The following SRGAP2 variants were observed in gnomAD, a reference collection of about 807,000 sequenced individuals.
The protein encoded by SRGAP2 is SLIT-ROBO Rho GTPase activating protein 2, also known as SLIT-ROBO Rho GTPase-activating protein 2.
SRGAP2 carries 15 observed loss-of-function variants against 57.2 expected under a neutral mutation model. The ratio of observed to expected loss-of-function variants is 0.26; its 90% CI spans 0.18 to 0.40. The LOEUF is 0.40. SRGAP2 is among the 10% of genes least tolerant of loss of function. The pLI is 1.00. For missense variants in SRGAP2, 520 were observed against 669.6 expected (o/e 0.78, Z 2.47); for synonymous variants, 249 against 248.0 (o/e 1.00, Z -0.04).
intron 2 of SRGAP2, among the ~76,000 whole-genome samples, chr1:206,276,466 G>A (rs1417409738): frequency 7.2e-6 from 1 of 138,128 alleles, no homozygotes; most frequent in Non-Finnish European, 1.6e-5. Flanking sequence ...TGTGTGGGGT[G>A]GGGGGTGGGG....
intron 16 of SRGAP2, 92 bp from the exon 17 acceptor site, chr1:206,439,884 G>A (rs981992085): frequency 6.8e-5 from 48 of 708,400 alleles, no homozygotes; most frequent in African/African-American, 2.1e-4. Flanking sequence ...GATGCTGTCC[G>A]TGTTGCCCCT....
chr1:206,276,988 G>C (rs1477027799), intron 2 of SRGAP2, among the ~76,000 whole-genome samples: 20 of 150,964 alleles, frequency 1.3e-4, no homozygotes, highest in Non-Finnish European at 3.0e-4. Context: ...TTTTGAGACG[G>C]AGTTTTGCTC....
intron 2 of SRGAP2, among the ~76,000 whole-genome samples, chr1:206,270,521 A>G (rs1447392403): frequency 1.4e-5 from 2 of 142,590 alleles, no homozygotes; most frequent in Non-Finnish European, 3.0e-5. Flanking sequence ...TTCTGTAGAT[A>G]CACCCACATC....
intron 10 of SRGAP2, among the ~76,000 whole-genome samples, chr1:206,414,774 T>C (rs1184694161): frequency 2.0e-5 from 3 of 152,256 alleles, no homozygotes; most frequent in Non-Finnish European, 4.4e-5. Flanking sequence ...TAATCTTATC[T>C]GTAATAAGGA....
chr1:206,408,663 T>TA (rs1658912622), intron 10 of SRGAP2, among the ~76,000 whole-genome samples: 1 of 151,014 alleles, frequency 6.6e-6, no homozygotes. Context: ...ATTTTGGACC[T>TA]AAAAATCTTG....
chr1:206,458,345 G>T, intron 21 of SRGAP2: 1 of 616,170 alleles, frequency 1.6e-6, no homozygotes, highest in Non-Finnish European at 3.1e-6. Context: ...AGAAACCTTC[G>T]CTTAATCAGA....
At chr1:206,269,117 C>T (rs1251310758) in intron 2 of SRGAP2, among the ~76,000 whole-genome samples, 5 of 150,116 alleles carry the variant, frequency 3.3e-5, no homozygotes, top group South Asian at 2.1e-4. Flanking sequence ...GTGGTGTATT[C>T]GTACAGTGGA....
intron 4 of SRGAP2, among the ~76,000 whole-genome samples, chr1:206,360,065 C>A (rs1411130886): frequency 1.3e-5 from 2 of 152,086 alleles, no homozygotes; most frequent in East Asian, 3.9e-4. Context: ...CTCGGCCTCC[C>A]AAAGTGCTGG....
At chr1:206,402,075 G>C in intron 8 of SRGAP2, among the ~76,000 whole-genome samples, 1 of 151,736 alleles carries the variant, frequency 6.6e-6, no homozygotes, top group Non-Finnish European at 1.5e-5. Context: ...AGCTGAGGTG[G>C]GGCCACATCC....
At chr1:206,224,314 T>C (rs1553305158) in intron 2 of SRGAP2, among the ~76,000 whole-genome samples, 1 of 151,358 alleles carries the variant, frequency 6.6e-6, no homozygotes, top group East Asian at 1.9e-4. Flanking sequence ...AAATAATGAG[T>C]ATGTAGTTTC....
At chr1:206,225,321 C>G (rs1667213071) in intron 2 of SRGAP2, among the ~76,000 whole-genome samples, 1 of 149,936 alleles carries the variant, frequency 6.7e-6, no homozygotes, top group Admixed American at 6.6e-5. Flanking sequence ...TTTGACCACA[C>G]TGTAATCAAG....
At chr1:206,256,325 C>CT (rs1290753831) in intron 2 of SRGAP2, among the ~76,000 whole-genome samples, 1 of 152,130 alleles carries the variant, frequency 6.6e-6, no homozygotes, top group Non-Finnish European at 1.5e-5. Flanking sequence ...AGTCTGTATT[C>CT]CCTAGAAAGA....
In SRGAP2 at chr1:206,384,016, TA is replaced by T; in HGVS notation, c.429del (p.Glu144LysfsTer10). 9.3e-7 allele frequency: 1 copy of T among 1,071,842 alleles called. No homozygotes were observed. Among genetic ancestry groups the T allele is most frequent in the Non-Finnish European group, 1.4e-6 (1 of 724,062 alleles). The allele number at this position is 1,071,842 out of a possible 1,614,324, so 66.4% of individuals were successfully genotyped here. On this transcript the variant is annotated frameshift_variant, in exon 5 of 23. Coordinates refer to ENST00000573034, the MANE Select transcript of SRGAP2 (RefSeq NM_015326.5). LOFTEE classifies it high-confidence loss of function. ...EDSGRLFKKS[K>X]EVGQQLQDDL... ...CCTTCATTCCTCTTTCCTTGCAGAG[TA>T]AAGAAGTCGGCCAGCAGCTCCAAGA...
chr1:206,453,528 A>T (rs1311519576), intron 20 of SRGAP2, 148 bp downstream of exon 20: 3 of 381,662 alleles, frequency 7.9e-6, no homozygotes, highest in African/African-American at 2.4e-5. Flanking sequence ...CTTGAAGAGC[A>T]CCCCCCCCAC....
chr1:206,275,579 T>C (rs1366563332), intron 2 of SRGAP2, among the ~76,000 whole-genome samples: 6 of 127,224 alleles, frequency 4.7e-5, no homozygotes, highest in African/African-American at 1.9e-4. Flanking sequence ...CTTCCAGGGG[T>C]CTTCTCATTG....
chr1:206,458,556 C>A, intron 21 of SRGAP2, 67 bp from the exon 22 acceptor site: 1 of 674,058 alleles, frequency 1.5e-6, no homozygotes, highest in South Asian at 1.7e-5. Flanking sequence ...TGCCCCCTCC[C>A]ACTTATCCTA....
In SRGAP2 at chr1:206,450,435, G is replaced by A. The variant is rs1553375453; in HGVS notation, c.2149G>A (p.Val717Met). The stretch of plus-strand genomic sequence containing the variant: ...CTCGGTTGAAGACTCAACCCAGGAT[G>A]TGACCGCAGAGCACCACACGAGCGA... Reference protein sequence around the residue: ...TTSVEDSTQDVTAEHHTSDDE... With the variant: ...TTSVEDSTQDMTAEHHTSDDE... The change falls in exon 19 of 23, where the codon GTG (valine) becomes ATG (methionine). Residue 717 changes from valine to methionine, a missense_variant. Coordinates refer to ENST00000573034, the MANE Select transcript of SRGAP2 (RefSeq NM_015326.5). 3.8e-6 allele frequency: 3 copies of A among 780,894 alleles called. No individual in the cohort carries two copies. The highest frequency in any genetic ancestry group is 7.2e-6 in the Non-Finnish European group (3 of 417,986). 48.4% of individuals were successfully genotyped at this position (780,894 alleles called of 1,614,324 possible).
rs1553305569 is a variant in SRGAP2 at position 206,226,735 on chromosome 1, A to G, written c.67+20698A>G. 2.0e-5 allele frequency among the ~76,000 whole-genome samples: 3 copies of G among 152,310 alleles called. No individual in the cohort carries two copies. In the South Asian group the frequency reaches 6.2e-4, roughly 32 times the overall value. ...TTTGTTTTGATGAGACTTGACCTAT[A>G]TAACACTGGCTCAAGTATGTTTGTT... On this transcript the variant is annotated intron_variant, in intron 2 of 22. Transcript: ENST00000573034.
At chr1:206,446,405 A>G in intron 18 of SRGAP2, 106 bp downstream of exon 18, 1 of 714,614 alleles carries the variant, frequency 1.4e-6, no homozygotes. Context: ...GATCCTCCCA[A>G]CTCCTCACTC....
Sources: allele counts gnomAD v4.1 joint callset (sites outside exome capture counted in the v4.1 genomes callset), GRCh38; gene constraint gnomAD v4.1.1; transcripts MANE v1.5; gene names NCBI Gene and HGNC (gene_info 2026-07-23, HGNC 2026-07-21).